HGD: variants seen among roughly 807,000 people sequenced by gnomAD.
HGD encodes the protein homogentisate oxidase.
In HGD, 61 loss-of-function variants were observed where a neutral mutation model predicts 60.8. The observed-to-expected ratio is 1.00, with a 90% CI of 0.82 to 1.24. HGD has a LOEUF of 1.24. Among genes scored for constraint, HGD ranks in the 50% most tolerant of loss-of-function variants. The probability of loss-of-function intolerance (pLI) is 0.00; values close to 1 mark genes in which losing one functional copy is unlikely to be tolerated. For missense variants in HGD, 542 were observed against 547.1 expected (o/e 0.99, Z 0.09); for synonymous variants, 212 against 187.7 (o/e 1.13, Z -1.06).
chr3:120,680,080 A>C (rs1708205671), intron 1 of HGD, among the ~76,000 whole-genome samples: 1 of 152,200 alleles, frequency 6.6e-6, no homozygotes, highest in Non-Finnish European at 1.5e-5. Context: ...CCTGAATATT[A>C]AGCAAGTTCT....
At position 120,647,012 on chromosome 3, in the gene HGD, G is replaced by T; in HGVS notation, c.510C>A (p.Gly170=). ...KGNLLIYTEF[G]KMLVQPNEIC... ...TCTCATTGGGCTGTACAAGCATCTT[G>T]CCAAACTCGGTGTAAATGAGAAGGT... Residue 170 remains glycine (G), a synonymous_variant, in exon 8 of 14, where the codon GGC becomes GGA. Coordinates refer to ENST00000283871, the MANE Select transcript of HGD (RefSeq NM_000187.4). The T allele has an allele frequency of 6.2e-7, 1 of 1,614,094 alleles. No homozygotes were observed. Among genetic ancestry groups the T allele is most frequent in the Non-Finnish European group, 8.5e-7 (1 of 1,179,956 alleles).
intron 6 of HGD, among the ~76,000 whole-genome samples, chr3:120,649,448 T>A (rs910559832): frequency 2.0e-5 from 3 of 152,132 alleles, no homozygotes; most frequent in Admixed American, 2.0e-4. Flanking sequence ...CGGCCTCCGT[T>A]GTCTTTTTCT....
intron 10 of HGD, among the ~76,000 whole-genome samples, chr3:120,643,352 G>A (rs1300740209): frequency 2.0e-5 from 3 of 152,190 alleles, no homozygotes; most frequent in African/African-American, 7.2e-5. Flanking sequence ...TTGAATTCCT[G>A]ACCTCAGGTG....
chr3:120,638,907 C>T (rs1940876849), intron 11 of HGD, among the ~76,000 whole-genome samples: 1 of 151,970 alleles, frequency 6.6e-6, no homozygotes, highest in Non-Finnish European at 1.5e-5. Flanking sequence ...GCAGGTTTTT[C>T]CCATGCTGTT....
At chr3:120,662,473 G>A (rs1707795384) in intron 4 of HGD, among the ~76,000 whole-genome samples, 1 of 152,160 alleles carries the variant, frequency 6.6e-6, no homozygotes, top group South Asian at 2.1e-4. Flanking sequence ...GTCATCTGGG[G>A]AGACTCCTGA....
chr3:120,666,074 G>T (rs1707892956), intron 4 of HGD, among the ~76,000 whole-genome samples: 1 of 152,098 alleles, frequency 6.6e-6, no homozygotes, highest in African/African-American at 2.4e-5. Context: ...AAGACAAAAG[G>T]GTAGATTTTG....
chr3:120,636,268 G>A (rs550774385), intron 12 of HGD, among the ~76,000 whole-genome samples: 43 of 150,028 alleles, frequency 2.9e-4, no homozygotes, highest in Non-Finnish European at 4.0e-4. Flanking sequence ...GTGACAGAGT[G>A]AGACCCTGTC....
chr3:120,653,089 G>T (rs1048773053), intron 4 of HGD, among the ~76,000 whole-genome samples: 2 of 152,148 alleles, frequency 1.3e-5, no homozygotes, highest in African/African-American at 4.8e-5. Context: ...GCAGGGGAAG[G>T]TTCTACTTCT....
chr3:120,659,911 T>A (rs1418846862), intron 4 of HGD, among the ~76,000 whole-genome samples: 1 of 143,318 alleles, frequency 7.0e-6, no homozygotes, highest in Admixed American at 7.6e-5. Context: ...GATGGGAGCA[T>A]CTCATATGAT....
Position 120,628,433 on chromosome 3 carries a change from G to C in HGD, c.1285C>G (p.Pro429Ala), listed in dbSNP as rs749059002. 14 of 1,614,050 alleles carry C rather than the reference G, an allele frequency of 8.7e-6. No individual in the cohort carries two copies. The highest frequency in any genetic ancestry group is 8.3e-5 in the Admixed American group (5 of 60,026). ...LDENYHKCWE[P>A]LKSHFTPNSR... ...TTGGGAGTGAAGTGGCTCTTGAGTG[G>C]CTCCCAGCACTTGTGGTAGTTCTCA... The change falls in exon 14 of 14, where the codon CCA (proline) becomes GCA (alanine). Residue 429 changes from proline (P) to alanine (A), a missense_variant. Pro to Ala is a conservative substitution (Grantham distance 27). This residue lies in a region of HGD where 537 missense variants were observed against 529.1 expected (regional missense o/e 1.01). Transcript: ENST00000283871.
At chr3:120,670,183 A>T (rs1398722961) in intron 4 of HGD, 3 of 535,000 alleles carry the variant, frequency 5.6e-6, no homozygotes, top group Admixed American at 3.1e-5. Flanking sequence ...GCCATGCAGA[A>T]CTGTGAGTCA....
At chr3:120,629,456 A>T (rs953241074) in intron 13 of HGD, among the ~76,000 whole-genome samples, 5 of 152,250 alleles carry the variant, frequency 3.3e-5, no homozygotes, top group Admixed American at 2.0e-4. Context: ...GGATATGAGT[A>T]TCGCTGCCTG....
intron 12 of HGD, 111 bp downstream of exon 12, chr3:120,638,344 A>T: frequency 7.6e-7 from 1 of 1,320,452 alleles, no homozygotes; most frequent in Non-Finnish European, 1.1e-6. Flanking sequence ...TCCTGAATTC[A>T]TGCCATGGTG....
chr3:120,642,381 T>C (rs1242253283), intron 10 of HGD, among the ~76,000 whole-genome samples: 1 of 152,158 alleles, frequency 6.6e-6, no homozygotes, highest in South Asian at 2.1e-4. Flanking sequence ...TATCTGAGCC[T>C]AGCAATAGCG....
At chr3:120,661,914 G>A (rs1707777581) in intron 4 of HGD, among the ~76,000 whole-genome samples, 1 of 152,204 alleles carries the variant, frequency 6.6e-6, no homozygotes, top group Non-Finnish European at 1.5e-5. Flanking sequence ...ACTGGATACT[G>A]CAGATCAGAT....
chr3:120,637,263 C>T (rs1940813356), intron 12 of HGD, among the ~76,000 whole-genome samples: 1 of 141,894 alleles, frequency 7.0e-6, no homozygotes, highest in Non-Finnish European at 1.5e-5. Flanking sequence ...GCTGTGAGTC[C>T]TTGAGAGAGT....
At chr3:120,666,201 G>A (rs1707896259) in intron 4 of HGD, among the ~76,000 whole-genome samples, 1 of 152,160 alleles carries the variant, frequency 6.6e-6, no homozygotes, top group Non-Finnish European at 1.5e-5. Flanking sequence ...GAGACACTGA[G>A]ACGCTATTGA....
intron 9 of HGD, among the ~76,000 whole-genome samples, chr3:120,645,713 A>G (rs1271120919): frequency 6.6e-6 from 1 of 152,124 alleles, no homozygotes; most frequent in Admixed American, 6.5e-5. Context: ...CCTCCTTTCC[A>G]TAGGAATACA....
At chr3:120,648,328 C>G (rs1444335971) in intron 6 of HGD, among the ~76,000 whole-genome samples, 1 of 152,160 alleles carries the variant, frequency 6.6e-6, no homozygotes, top group South Asian at 2.1e-4. Flanking sequence ...AAGGAGGGCA[C>G]GCGGCAGCTT....
Sources: allele counts gnomAD v4.1 joint callset (sites outside exome capture counted in the v4.1 genomes callset), GRCh38; gene constraint gnomAD v4.1.1; regional missense constraint gnomAD v4.1.1; transcripts MANE v1.5; gene names NCBI Gene and HGNC (gene_info 2026-07-23, HGNC 2026-07-21).